The following RRAS2 variants were observed in gnomAD, a reference collection of about 807,000 sequenced individuals.
RRAS2 encodes RAS related 2, also known as ras-related protein R-Ras2.
Under a neutral mutation model 27.6 loss-of-function variants are expected in RRAS2, and 7 were observed. That is an observed-to-expected ratio of 0.25 (90% CI 0.14 to 0.48). The LOEUF is 0.48. Ranked by LOEUF, RRAS2 falls within the 20% of genes least tolerant of loss-of-function variation. The pLI is 0.99. For synonymous variants in RRAS2, 86 were observed against 90.9 expected, an observed-to-expected ratio of 0.95 and a Z score of 0.31; for missense variants, 178 against 256.2, an observed-to-expected ratio of 0.69 and a Z score of 2.08.
chr11:14,334,626 C>T (rs898788872), intron 1 of RRAS2, among the ~76,000 whole-genome samples: 19 of 152,020 alleles, frequency 1.2e-4, no homozygotes, highest in Admixed American at 4.6e-4. Context: ...CAAGTTCTTC[C>T]TTGTTTCTAA....
chr11:14,329,021 ATATATATACACACACACATATATATG>A (rs1265588165), intron 1 of RRAS2, among the ~76,000 whole-genome samples: 1 of 147,020 alleles, frequency 6.8e-6, no homozygotes, highest in Non-Finnish European at 1.5e-5. Flanking sequence ...GTATATATAT[ATATATATACACACACACATATATATG>A]TATATACACA....
chr11:14,290,480 T>C (rs1447065114), intron 4 of RRAS2, among the ~76,000 whole-genome samples: 3 of 152,072 alleles, frequency 2.0e-5, no homozygotes, highest in African/African-American at 4.8e-5. Context: ...ACCTCTACTA[T>C]AGCATCTCAA....
intron 1 of RRAS2, among the ~76,000 whole-genome samples, chr11:14,323,444 C>A (rs1172461502): frequency 6.7e-6 from 1 of 149,792 alleles, no homozygotes; most frequent in Non-Finnish European, 1.5e-5. Context: ...GGTGACAGAG[C>A]GAGACCCTGT....
At chr11:14,298,749 C>T (rs1274371091) in intron 1 of RRAS2, among the ~76,000 whole-genome samples, 2 of 150,960 alleles carry the variant, frequency 1.3e-5, no homozygotes, top group Admixed American at 6.7e-5. Context: ...CCTCCTCCAA[C>T]GAAACATCAC....
chr11:14,287,600 G>C (rs1188312711), intron 4 of RRAS2, among the ~76,000 whole-genome samples: 1 of 152,098 alleles, frequency 6.6e-6, no homozygotes, highest in African/African-American at 2.4e-5. Context: ...GGCCAGGCAT[G>C]GTGGCTCATG....
At chr11:14,329,188 G>A (rs1848436435) in intron 1 of RRAS2, among the ~76,000 whole-genome samples, 1 of 151,298 alleles carries the variant, frequency 6.6e-6, no homozygotes, top group Admixed American at 6.6e-5. Flanking sequence ...TCAGCTCACT[G>A]CAACCTCCCT....
At chr11:14,320,772 T>G (rs1246136015) in intron 1 of RRAS2, among the ~76,000 whole-genome samples, 1 of 152,186 alleles carries the variant, frequency 6.6e-6, no homozygotes, top group Admixed American at 6.5e-5. Flanking sequence ...TAAGTCAAAA[T>G]TCATTGTTTA....
Position 14,314,996 on chromosome 11 carries a change from T to C in RRAS2, c.109-19141A>G, listed in dbSNP as rs571277162. 2.6e-5 allele frequency among the ~76,000 whole-genome samples: 4 copies of C among 152,176 alleles called. No homozygotes were observed. The South Asian group carries it at 8.3e-4, about 32-fold the overall frequency. On this transcript the variant is annotated intron_variant, in intron 1 of 5. Transcript: ENST00000256196. ...CCATGCCCAGCCAAATGCAAGCACA[T>C]GTTTTAATATTTCATTTAAATAGCC...
chr11:14,290,518 T>C (rs952628177), intron 4 of RRAS2, among the ~76,000 whole-genome samples: 1 of 152,144 alleles, frequency 6.6e-6, no homozygotes, highest in Non-Finnish European at 1.5e-5. Flanking sequence ...TCAATTTCAA[T>C]AGCATGCCCC....
At chr11:14,325,520 CGA>C (rs1324471667) in intron 1 of RRAS2, among the ~76,000 whole-genome samples, 2 of 152,114 alleles carry the variant, frequency 1.3e-5, no homozygotes, top group Non-Finnish European at 2.9e-5. Context: ...AGAATGGTCT[CGA>C]TCTCCTGACC....
In RRAS2 at chr11:14,278,936, A is replaced by G. The variant is rs1849444952; in HGVS notation, c.*401T>C. ...GATAGGCAAAAATTCACATTAAAAA[A>G]AACCCTATATTTCTATTTAGAGTAA... On this transcript the variant is annotated 3_prime_UTR_variant, in exon 6 of 6. Transcript: ENST00000256196. The G allele has an allele frequency of 6.3e-6, 1 of 159,832 alleles. No individual in the cohort carries two copies. The highest frequency in any genetic ancestry group is 6.0e-5 in the Admixed American group (1 of 16,706). 9.9% of individuals were successfully genotyped at this position (159,832 alleles called of 1,614,324 possible). A position where few individuals can be genotyped will look rare whatever the true frequency, so the allele number is the denominator to read the frequency against.
At chr11:14,349,463 A>G (rs1591489344) in intron 1 of RRAS2, among the ~76,000 whole-genome samples, 2 of 151,924 alleles carry the variant, frequency 1.3e-5, no homozygotes, top group African/African-American at 2.4e-5. Context: ...CACCCGGCCT[A>G]TATCTACATA....
chr11:14,338,079 GTTATA>G (rs1352964218), intron 1 of RRAS2, among the ~76,000 whole-genome samples: 8 of 152,124 alleles, frequency 5.3e-5, no homozygotes, highest in African/African-American at 1.9e-4. Context: ...ATATTTAAAA[GTTATA>G]TTATAAACAG....
chr11:14,349,773 G>A (rs1240291894), intron 1 of RRAS2, among the ~76,000 whole-genome samples: 2 of 152,006 alleles, frequency 1.3e-5, no homozygotes, highest in South Asian at 2.1e-4. Context: ...TCAAATACTA[G>A]GATCAAAAGT....
chr11:14,334,016 T>C (rs781825257), intron 1 of RRAS2, among the ~76,000 whole-genome samples: 36 of 152,264 alleles, frequency 2.4e-4, no homozygotes, highest in Non-Finnish European at 3.8e-4. Context: ...ATCTTCATTA[T>C]TGACCACATA....
At chr11:14,340,940 G>A (rs531904776) in intron 1 of RRAS2, among the ~76,000 whole-genome samples, 1 of 152,214 alleles carries the variant, frequency 6.6e-6, no homozygotes, top group Admixed American at 6.5e-5. Context: ...CAAGAACACA[G>A]AATTCCTTTT....
intron 1 of RRAS2, among the ~76,000 whole-genome samples, chr11:14,320,327 G>GT (rs1357470058): frequency 6.6e-6 from 1 of 152,172 alleles, no homozygotes; most frequent in African/African-American, 2.4e-5. Flanking sequence ...TTTTAAAGCT[G>GT]TTTTTTCAAA....
chr11:14,344,585 T>C (rs1554953840), intron 1 of RRAS2, among the ~76,000 whole-genome samples: 1 of 152,238 alleles, frequency 6.6e-6, no homozygotes, highest in Non-Finnish European at 1.5e-5. Flanking sequence ...TTAGCTTTCC[T>C]TTCAGCTCGC....
intron 1 of RRAS2, among the ~76,000 whole-genome samples, chr11:14,324,373 A>T (rs910824991): frequency 6.6e-6 from 1 of 151,920 alleles, no homozygotes; most frequent in Non-Finnish European, 1.5e-5. Context: ...TAACTCTAGT[A>T]AAAATATATT....
Sources: gnomAD v4.1 joint callset for allele counts (sites outside exome capture counted in the v4.1 genomes callset) on GRCh38, gnomAD v4.1.1 for gene constraint, MANE v1.5 for transcripts, NCBI Gene and HGNC (gene_info 2026-07-23, HGNC 2026-07-21) for gene names.